ADRA1A: variants seen among roughly 807,000 people sequenced by gnomAD.
ADRA1A encodes the protein adrenoceptor alpha 1A.
A neutral mutation model predicts 29.6 loss-of-function variants in ADRA1A; 31 were observed. The observed-to-expected ratio is 1.05, with a 90% CI of 0.79 to 1.41. ADRA1A has a LOEUF of 1.41. Among genes scored for constraint, ADRA1A ranks in the 40% most tolerant of loss-of-function variants. The pLI is 0.00. For synonymous variants in ADRA1A, 311 were observed against 254.3 expected (o/e 1.22, Z -2.12); for missense variants, 619 against 601.1 (o/e 1.03, Z -0.31).
chr8:26,856,997 G>A (rs1813097606), intron 2 of ADRA1A, among the ~76,000 whole-genome samples: 1 of 152,190 alleles, frequency 6.6e-6, no homozygotes, highest in Non-Finnish European at 1.5e-5. Context: ...GCCCCTCTGT[G>A]TACACACTTG....
At chr8:26,813,042 C>A (rs532135355) in intron 2 of ADRA1A, among the ~76,000 whole-genome samples, 2 of 148,796 alleles carry the variant, frequency 1.3e-5, no homozygotes. Context: ...CTCAGAGTTG[C>A]GCTATCGTCT....
intron 2 of ADRA1A, among the ~76,000 whole-genome samples, chr8:26,758,577 G>C (rs922606286): frequency 2.6e-5 from 4 of 152,178 alleles, no homozygotes; most frequent in Admixed American, 2.6e-4. Context: ...GCTCAAGAGA[G>C]GTCACGTGAT....
Position 26,848,337 on chromosome 8 carries a change from T to C in ADRA1A, c.883+15750A>G, listed in dbSNP as rs898131969. Among the ~76,000 whole-genome samples, 1 of 152,122 alleles carries C rather than the reference T, an allele frequency of 6.6e-6. No homozygotes were observed. Among genetic ancestry groups the C allele is most frequent in the Non-Finnish European group, 1.5e-5 (1 of 68,024 alleles). On this transcript the variant is annotated intron_variant, in intron 2 of 2. Transcript: ENST00000380573. This position sits in a 1 kb window ranked among gnomAD's most constrained non-coding sequence, Gnocchi z 4.3. ...GAAACCCTAACCACCAGTGTGATGG[T>C]GTTAGGAGGTGGGGCCTTTGGGAGG... is the stretch of plus-strand genomic sequence containing the variant.
At chr8:26,820,613 C>G (rs1048246192) in intron 2 of ADRA1A, among the ~76,000 whole-genome samples, 2 of 152,104 alleles carry the variant, frequency 1.3e-5, no homozygotes, top group South Asian at 4.1e-4. Flanking sequence ...CTCTTTGCAC[C>G]TTACACTTTC....
chr8:26,838,276 C>G (rs547293713), intron 2 of ADRA1A, among the ~76,000 whole-genome samples: 66 of 152,258 alleles, frequency 4.3e-4, no homozygotes, highest in Middle Eastern at 3.4e-3. Context: ...CAGGTCTAGG[C>G]TCTGTATGAA....
exon 3 of ADRA1A, chr8:26,756,406 A>C: frequency 7.6e-7 from 1 of 1,323,640 alleles, no homozygotes; most frequent in Non-Finnish European, 9.8e-7. Flanking sequence ...CTCACACCCT[A>C]CACGTGGCTG....
At position 26,831,380 on chromosome 8, in the gene ADRA1A, G is replaced by A. The variant is rs1810962252; in HGVS notation, c.883+32707C>T. Reference sequence around the variant, plus strand: ...TGATGACGAGGCAGAGAGAGAGAGAGAAGGAGAGAGAGAAAGAGAGAGAGC... The same window carrying A: ...TGATGACGAGGCAGAGAGAGAGAGAAAAGGAGAGAGAGAAAGAGAGAGAGC... On this transcript the variant is annotated intron_variant, in intron 2 of 2. Transcript: ENST00000380573. This position sits in a 1 kb window ranked among gnomAD's most constrained non-coding sequence, Gnocchi z 5.2. 6.6e-6 allele frequency among the ~76,000 whole-genome samples: 1 copy of A among 152,136 alleles called. No homozygotes were observed. Among genetic ancestry groups the A allele is most frequent in the African/African-American group, 2.4e-5 (1 of 41,444 alleles).
chr8:26,797,987 C>CTTTTTTTTTTTTTTTTTTT (rs35607881), intron 2 of ADRA1A, among the ~76,000 whole-genome samples: 6 of 148,484 alleles, frequency 4.0e-5, no homozygotes, highest in African/African-American at 1.3e-4. Flanking sequence ...GTAAGTTAGT[C>CTTTTTTTTTTTTTTTTTTT]TTTTTTTTTT....
intron 2 of ADRA1A, among the ~76,000 whole-genome samples, chr8:26,792,885 C>CA (rs1467766448): frequency 6.7e-6 from 1 of 149,872 alleles, no homozygotes; most frequent in Admixed American, 6.7e-5. Flanking sequence ...ATGTGAATTA[C>CA]AAAAATAAAT....
chr8:26,840,979 T>A (rs952921891), intron 2 of ADRA1A, among the ~76,000 whole-genome samples: 10 of 152,172 alleles, frequency 6.6e-5, no homozygotes, highest in Non-Finnish European at 1.0e-4. Context: ...GCTGGTTGCA[T>A]GAGTGCACTG....
intron 2 of ADRA1A, among the ~76,000 whole-genome samples, chr8:26,789,901 G>A (rs114613016): frequency 0.021 from 3,158 of 152,184 alleles, 103 homozygotes; most frequent in African/African-American, 0.069. Flanking sequence ...AAACCACAAT[G>A]AGATATCTTC....
intron 2 of ADRA1A, among the ~76,000 whole-genome samples, chr8:26,791,311 C>T (rs1028769129): frequency 2.6e-5 from 4 of 152,066 alleles, no homozygotes; most frequent in Non-Finnish European, 4.4e-5. Flanking sequence ...GGAGTATTTT[C>T]TTAAGTTACA....
chr8:26,757,859 G>GCATGCACACA (rs1554489124), intron 2 of ADRA1A, among the ~76,000 whole-genome samples: 3,720 of 151,396 alleles, frequency 0.025, 70 homozygotes, highest in Admixed American at 0.06. Context: ...ATAAGCACAC[G>GCATGCACACA]CACACACACA....
intron 2 of ADRA1A, among the ~76,000 whole-genome samples, chr8:26,814,647 A>T (rs547380227): frequency 1.3e-5 from 2 of 152,256 alleles, no homozygotes; most frequent in South Asian, 2.1e-4. Flanking sequence ...AATATATATC[A>T]TCTGTTTTAT....
At chr8:26,757,620 C>A (rs1033298305) in intron 2 of ADRA1A, among the ~76,000 whole-genome samples, 1 of 151,868 alleles carries the variant, frequency 6.6e-6, no homozygotes, top group South Asian at 2.1e-4. Flanking sequence ...GAAAGCCAGG[C>A]TTTGGGGGTA....
intron 2 of ADRA1A, among the ~76,000 whole-genome samples, chr8:26,780,812 A>G (rs1440024139): frequency 6.6e-6 from 1 of 152,164 alleles, no homozygotes; most frequent in Non-Finnish European, 1.5e-5. Flanking sequence ...CACCAACCCT[A>G]TCGTGAACTG....
At position 26,798,388 on chromosome 8, in the gene ADRA1A, G is replaced by GA. The variant is rs1808332373; in HGVS notation, c.884-27723dup. On this transcript the variant is annotated intron_variant, in intron 2 of 2. Coordinates refer to ENST00000380573, the MANE Select transcript of ADRA1A (RefSeq NM_000680.4). The stretch of plus-strand genomic sequence containing the variant: ...AAGCATGGCTTTTTTAACCCATAAA[G>GA]AAAAAATGCTTTCTCAAAAGGACTC... 6.6e-5 allele frequency among the ~76,000 whole-genome samples: 10 copies of GA among 152,206 alleles called. No homozygotes were observed. In the South Asian group the frequency reaches 2.1e-3, roughly 32 times the overall value.
chr8:26,836,630 G>A (rs992255954), intron 2 of ADRA1A, among the ~76,000 whole-genome samples: 2 of 152,166 alleles, frequency 1.3e-5, no homozygotes, highest in African/African-American at 4.8e-5. Flanking sequence ...GAGTTATTTA[G>A]GCTACATAAA....
chr8:26,779,141 T>C (rs1464211599), intron 2 of ADRA1A: 4 of 591,318 alleles, frequency 6.8e-6, no homozygotes, highest in African/African-American at 5.6e-5. Context: ...AGAGCACAGA[T>C]GATATGCTTT....
Sources: gnomAD v4.1 joint callset for allele counts (sites outside exome capture counted in the v4.1 genomes callset) on GRCh38, gnomAD v4.1.1 for gene constraint, Gnocchi (gnomAD v3.1) non-coding constraint, MANE v1.5 for transcripts, NCBI Gene and HGNC (gene_info 2026-07-23, HGNC 2026-07-21) for gene names.